Variants in ZNF469 observed in about 807,000 individuals in gnomAD.
ZNF469 encodes zinc finger protein 469.
Under a neutral mutation model 1.0 loss-of-function variants are expected in ZNF469, and 1 was observed. The ratio of observed to expected loss-of-function variants is 1.00; its 90% confidence interval spans 0.35 to 4.73. The LOEUF is 4.73. Among genes scored for constraint, ZNF469 ranks in the 30% most tolerant of loss-of-function variants. ZNF469 has a pLI of 0.16. For synonymous variants in ZNF469, 2,703 were observed against 2,363.4 expected (o/e 1.14, Z -4.17); for missense variants, 6,100 against 5,356.3 (o/e 1.14, Z -4.33).
chr16:88,102,567 G>A, the ZNF469 span, among the ~76,000 whole-genome samples: 2 of 152,262 alleles, frequency 1.3e-5, no homozygotes, highest in African/African-American at 2.4e-5. Context: ...TTCTTGCCCA[G>A]TGTGATGGCT....
the ZNF469 span, among the ~76,000 whole-genome samples, chr16:88,119,654 G>A: frequency 0.011 from 1,609 of 152,286 alleles, 27 homozygotes; most frequent in African/African-American, 0.035. Flanking sequence ...TTTCCCTACC[G>A]GGTCCAGCCG....
the ZNF469 span, among the ~76,000 whole-genome samples, chr16:88,105,736 C>T: frequency 6.6e-6 from 1 of 152,222 alleles, no homozygotes; most frequent in Non-Finnish European, 1.5e-5. Flanking sequence ...GACTCAGAAG[C>T]CCTGGTGGGA....
chr16:88,208,799 ACACACTCTCTCT>A, the ZNF469 span, among the ~76,000 whole-genome samples: 16 of 23,752 alleles, frequency 6.7e-4, no homozygotes, highest in South Asian at 2.2e-3. Context: ...ACACACACAC[ACACACTCTCTCT>A]CTCTCTCTCT....
At chr16:88,341,468 C>G in the ZNF469 span, among the ~76,000 whole-genome samples, 35 of 152,166 alleles carry the variant, frequency 2.3e-4, no homozygotes, top group African/African-American at 7.7e-4. Context: ...TCTGGGCCAC[C>G]CTCCAGGTTT....
chr16:88,172,552 A>G, the ZNF469 span, among the ~76,000 whole-genome samples: 1 of 152,370 alleles, frequency 6.6e-6, no homozygotes, highest in East Asian at 1.9e-4. Context: ...AAAGCCAGAA[A>G]TCAACAATGA....
the ZNF469 span, among the ~76,000 whole-genome samples, chr16:88,279,086 T>C: frequency 0.56 from 67,747 of 120,124 alleles, 19,556 homozygotes; most frequent in African/African-American, 0.63. Context: ...TGCTGCGCCA[T>C]GCCGACACTT....
intron 1 of ZNF469, among the ~76,000 whole-genome samples, chr16:88,397,483 A>T (rs1567500379): frequency 1.3e-5 from 2 of 152,074 alleles, no homozygotes; most frequent in Non-Finnish European, 2.9e-5. Flanking sequence ...AAATTTCAGG[A>T]TCTCAGGGGG....
the ZNF469 span, among the ~76,000 whole-genome samples, chr16:88,318,147 C>T: frequency 1.3e-5 from 2 of 152,240 alleles, no homozygotes; most frequent in African/African-American, 2.4e-5. Context: ...GGCAGCTCCA[C>T]CCTCTCAGCC....
At chr16:88,391,038 G>A (rs1283109834) in intron 1 of ZNF469, among the ~76,000 whole-genome samples, 2 of 152,252 alleles carry the variant, frequency 1.3e-5, no homozygotes, top group Non-Finnish European at 2.9e-5. Context: ...CTGTCCTGGC[G>A]ATGGGACCAG....
In ZNF469 at chr16:88,429,782, C is replaced by G; in HGVS notation, c.2312C>G (p.Pro771Arg). The G allele has an allele frequency of 6.5e-7, 1 of 1,544,692 alleles. No individual in the cohort carries two copies. The change falls in exon 3 of 3, where the codon CCT becomes CGT. Residue 771 changes from proline (P) to arginine (R), a missense_variant. By Grantham distance (103) the Pro-to-Arg change is moderately radical (BLOSUM62 -2). Transcript: ENST00000565624. ...GGCCACCAGCGGTCTCCAGGCCCCCCTGGGCTCCCCTCGCCCCCCGCTGCC... is the reference window on the plus strand; with the variant it reads ...GGCCACCAGCGGTCTCCAGGCCCCCGTGGGCTCCCCTCGCCCCCCGCTGCC... ...KDGHQRSPGP[P>R]GLPSPPAAPR...
In ZNF469 at chr16:88,430,791, G is replaced by A. The variant is rs763826959; in HGVS notation, c.3321G>A (p.Arg1107=). The stretch of plus-strand genomic sequence containing the variant: ...AGGAGGACGAGCAGCCTCCGCCGCG[G>A]GGCCCCGGCTTCAGAGGCCGGCGGG... ...ESEEDEQPPP[R]GPGFRGRRGR... Residue 1107 remains arginine (R), a synonymous_variant, in exon 3 of 3, where the codon CGG becomes CGA. Transcript: ENST00000565624. 1,728 of 1,526,812 alleles carry A rather than the reference G, an allele frequency of 1.1e-3. No homozygotes were observed. The highest frequency in any genetic ancestry group is 1.5e-3 in the Non-Finnish European group (1,659 of 1,143,510). 94.6% of individuals were successfully genotyped at this position (1,526,812 alleles called of 1,614,324 possible). A position where few individuals can be genotyped will look rare whatever the true frequency, so the allele number is the denominator to read the frequency against.
chr16:88,244,035 C>T, the ZNF469 span, among the ~76,000 whole-genome samples: 2 of 128,896 alleles, frequency 1.6e-5, no homozygotes, highest in South Asian at 2.7e-4. Context: ...CACGGATCAT[C>T]GGTGGATGGG....
At chr16:88,266,804 G>A in the ZNF469 span, among the ~76,000 whole-genome samples, 1 of 152,238 alleles carries the variant, frequency 6.6e-6, no homozygotes, top group Admixed American at 6.5e-5. Context: ...TCAGCAGCTG[G>A]ACTTGCAGAG....
chr16:88,162,363 CAAAA>C, the ZNF469 span, among the ~76,000 whole-genome samples: 3 of 124,108 alleles, frequency 2.4e-5, no homozygotes, highest in African/African-American at 5.9e-5. Flanking sequence ...AGACATTCTT[CAAAA>C]AAAAAAAAAA....
At chr16:88,355,381 T>C in the ZNF469 span, among the ~76,000 whole-genome samples, 1 of 152,228 alleles carries the variant, frequency 6.6e-6, no homozygotes, top group African/African-American at 2.4e-5. Flanking sequence ...TGGCCTCTGG[T>C]TCCTACCCTC....
chr16:88,224,699 C>CTG, the ZNF469 span, among the ~76,000 whole-genome samples: 2 of 152,246 alleles, frequency 1.3e-5, no homozygotes, highest in East Asian at 3.9e-4. Flanking sequence ...CCGTGTGTCT[C>CTG]TGTGTGTGTG....
In ZNF469 at chr16:88,429,672, G is replaced by A; in HGVS notation, c.2202G>A (p.Arg734=). The change falls in exon 3 of 3, where the codon AGG becomes AGA. Residue 734 remains arginine, a synonymous_variant. Coordinates refer to ENST00000565624, the MANE Select transcript of ZNF469 (RefSeq NM_001367624.2). ...LDQLDVLLTC[R]QCDRNYSSLA... is the part of the protein sequence containing the mutation. ...AGCTGGACGTGCTGCTGACCTGCAG[G>A]CAGTGTGACCGCAACTACAGCAGCC... The A allele has an allele frequency of 6.5e-7, 1 of 1,542,250 alleles. No homozygotes were observed. The highest frequency in any genetic ancestry group is 1.2e-5 in the South Asian group (1 of 83,460).
At chr16:88,182,514 C>G in the ZNF469 span, among the ~76,000 whole-genome samples, 1 of 151,914 alleles carries the variant, frequency 6.6e-6, no homozygotes, top group Non-Finnish European at 1.5e-5. Flanking sequence ...GTAATCAAAA[C>G]AGTGTGATAT....
chr16:88,243,209 C>T, the ZNF469 span, among the ~76,000 whole-genome samples: 1 of 152,158 alleles, frequency 6.6e-6, no homozygotes, highest in Admixed American at 6.5e-5. Flanking sequence ...AGAATGGCAC[C>T]CACCTGAGAT....
Sources: gnomAD v4.1 joint callset for allele counts (sites outside exome capture counted in the v4.1 genomes callset) on GRCh38, gnomAD v4.1.1 for gene constraint, MANE v1.5 for transcripts, NCBI Gene and HGNC (gene_info 2026-07-23, HGNC 2026-07-21) for gene names.